MPC1: variants seen among roughly 807,000 people sequenced by gnomAD.
MPC1 encodes the protein HSPC040 protein.
Under a neutral mutation model 13.9 loss-of-function variants are expected in MPC1, and 6 were observed. That is an observed-to-expected ratio of 0.43 (90% CI 0.24 to 0.85). MPC1 has a LOEUF of 0.85. Among genes scored for constraint, MPC1 ranks in the 40% least tolerant of loss-of-function variants. MPC1 has a pLI of 0.24. For synonymous variants in MPC1, 47 were observed against 50.5 expected (o/e 0.93, Z 0.29); for missense variants, 115 against 143.3 (o/e 0.80, Z 1.01).
At chr6:166,368,799 A>T (rs1307256438) in intron 2 of MPC1, 7 of 984,862 alleles carry the variant, frequency 7.1e-6, no homozygotes, top group Non-Finnish European at 8.4e-6. Context: ...TTCCATAGTG[A>T]TCTTCCTTTT....
chr6:166,375,954 G>A (rs925873797), intron 1 of MPC1, among the ~76,000 whole-genome samples: 3 of 152,018 alleles, frequency 2.0e-5, no homozygotes, highest in Admixed American at 6.6e-5. Context: ...TCTACCTGCC[G>A]GGTCTATTTA....
chr6:166,373,991 G>C (rs2114963627), intron 1 of MPC1, among the ~76,000 whole-genome samples: 1 of 151,948 alleles, frequency 6.6e-6, no homozygotes, highest in African/African-American at 2.4e-5. Flanking sequence ...GGTTTTGTTG[G>C]CTTGTTTTTT....
rs751172968 is a variant in MPC1, at chr6:166,366,853, A to T, written c.114T>A (p.Ile38=). ...WGPVANWGLP[I]AAINDMKKSP... is the part of the protein sequence containing the mutation. Reference sequence around the variant, plus strand: ...ACTTTTTCATATCATTGATGGCAGCAATGGGAAGACCCCAGTTGGCTACTG... The same window carrying T: ...ACTTTTTCATATCATTGATGGCAGCTATGGGAAGACCCCAGTTGGCTACTG... The change falls in exon 3 of 5, where the codon ATT becomes ATA. Residue 38 remains isoleucine (I), a synonymous_variant. Transcript: ENST00000360961. 1.2e-6 allele frequency: 2 copies of T among 1,614,180 alleles called. No homozygotes were observed. The highest frequency in any genetic ancestry group is 2.2e-5 in the East Asian group (1 of 44,882).
chr6:166,373,164 A>T (rs182067853), intron 1 of MPC1, among the ~76,000 whole-genome samples: 1 of 152,146 alleles, frequency 6.6e-6, no homozygotes, highest in Non-Finnish European at 1.5e-5. Context: ...ATTGTTACCC[A>T]AAGTCCATAT....
intron 2 of MPC1, chr6:166,369,045 G>C: frequency 1.7e-6 from 1 of 588,896 alleles, no homozygotes. Flanking sequence ...AGCAGAAATG[G>C]ACAATGGAAT....
intron 2 of MPC1, 34 bp from the exon 3 acceptor site, chr6:166,366,925 GA>G: frequency 6.2e-7 from 1 of 1,613,388 alleles, no homozygotes; most frequent in Middle Eastern, 1.6e-4. Context: ...ATGAAGAGAG[GA>G]AAAAGTTAAG....
rs372272655 is a variant in MPC1, at chr6:166,380,982, G to A, written c.71+1824C>T. ...AAAAAAAAGAAAAGAAAACGGTTAAGTAATTATCAGCATAATTTTTATATA... is the reference window on the plus strand; with the variant it reads ...AAAAAAAAGAAAAGAAAACGGTTAAATAATTATCAGCATAATTTTTATATA... On this transcript the variant is annotated intron_variant, in intron 1 of 4. Coordinates refer to ENST00000360961, the MANE Select transcript of MPC1 (RefSeq NM_016098.4). Among the ~76,000 whole-genome samples, 79 of 142,224 alleles carry A rather than the reference G, an allele frequency of 5.6e-4. 1 individual carries two copies. The highest frequency in any genetic ancestry group is 3.7e-3 in the Middle Eastern group (1 of 272). The allele number at this position is 142,224 out of a possible 152,430, so 93.3% of individuals were successfully genotyped here.
Position 166,366,787 on chromosome 6 carries a change from A to T in MPC1, c.172+8T>A. 6.2e-7 allele frequency: 1 copy of T among 1,613,468 alleles called. No individual in the cohort carries two copies. The highest frequency in any genetic ancestry group is 8.5e-7 in the Non-Finnish European group (1 of 1,179,406). The stretch of plus-strand genomic sequence containing the variant: ...AGTCCTCCCAATTATCCAAATCTGC[A>T]TTCTTACCAAATGTCATCCGCCCAC... On this transcript the variant is annotated splice_region_variant and intron_variant, in intron 3 of 4. Coordinates refer to ENST00000360961, the MANE Select transcript of MPC1 (RefSeq NM_016098.4).
rs1779130497 is a variant in MPC1, at chr6:166,365,882, C to G, written c.305+92G>C. On this transcript the variant is annotated intron_variant, in intron 4 of 4. Transcript: ENST00000360961. This position sits in a 1 kb window ranked among gnomAD's most constrained non-coding sequence, Gnocchi z 4.2. ...AAAGCGCATCTATACACACTCCAGT[C>G]CCGCAGCACTCCCTCAGAAAAGATT... 9.8e-6 allele frequency: 15 copies of G among 1,523,952 alleles called. No individual in the cohort carries two copies. The highest frequency in any genetic ancestry group is 1.3e-5 in the Non-Finnish European group (15 of 1,124,518). The allele number at this position is 1,523,952 out of a possible 1,614,324, so 94.4% of individuals were successfully genotyped here. A position where few individuals can be genotyped will look rare whatever the true frequency, so the allele number is the denominator to read the frequency against.
chr6:166,375,644 TTTC>T (rs978208245), intron 1 of MPC1, among the ~76,000 whole-genome samples: 5 of 152,198 alleles, frequency 3.3e-5, no homozygotes, highest in African/African-American at 4.8e-5. Flanking sequence ...TATCTTGAGA[TTTC>T]TTCTTTGACC....
intron 2 of MPC1, among the ~76,000 whole-genome samples, chr6:166,368,259 TTGAAAA>T (rs1453483394): frequency 1.3e-5 from 2 of 152,204 alleles, no homozygotes; most frequent in African/African-American, 2.4e-5. Flanking sequence ...AAATATTTCT[TTGAAAA>T]TGACAAGTTG....
At chr6:166,377,319 A>C (rs1288457314) in intron 1 of MPC1, among the ~76,000 whole-genome samples, 3 of 152,048 alleles carry the variant, frequency 2.0e-5, no homozygotes, top group Non-Finnish European at 4.4e-5. Flanking sequence ...GAGCTGCTGA[A>C]GGCCCAGGGG....
Position 166,366,074 on chromosome 6 carries a change from A to C in MPC1, c.205T>G (p.Phe69Val). 6.2e-7 allele frequency: 1 copy of C among 1,614,032 alleles called. No individual in the cohort carries two copies. The highest frequency in any genetic ancestry group is 8.5e-7 in the Non-Finnish European group (1 of 1,179,936). Residue 69 changes from phenylalanine to valine, a missense_variant, in exon 4 of 5, where the codon TTT (phenylalanine) becomes GTT (valine). Transcript: ENST00000360961. ...LCCYSLTFMR[F>V]AYKVQPRNWL... ...TTCCGAGGCTGTACCTTGTAGGCAA[A>C]TCTCATGAATGTCAAAGAATAGCAA... is the stretch of plus-strand genomic sequence containing the variant.
intron 1 of MPC1, among the ~76,000 whole-genome samples, chr6:166,375,602 C>T (rs1779540551): frequency 6.6e-6 from 1 of 152,104 alleles, no homozygotes; most frequent in African/African-American, 2.4e-5. Flanking sequence ...GTTGTGTTTG[C>T]ACTTTTATTT....
At chr6:166,377,808 G>A (rs1779624444) in intron 1 of MPC1, among the ~76,000 whole-genome samples, 10 of 152,170 alleles carry the variant, frequency 6.6e-5, no homozygotes, top group Admixed American at 6.5e-4. Flanking sequence ...CAGATATTAA[G>A]AGATTCTTAT....
intron 1 of MPC1, among the ~76,000 whole-genome samples, chr6:166,380,800 G>A (rs534639487): frequency 1.3e-5 from 2 of 151,788 alleles, no homozygotes; most frequent in East Asian, 1.9e-4. Context: ...TTAGCCTGGC[G>A]TGGTGGTGCA....
At chr6:166,367,043 T>A in intron 2 of MPC1, 152 bp from the exon 3 acceptor site, 1 of 1,506,774 alleles carries the variant, frequency 6.6e-7, no homozygotes, top group Non-Finnish European at 8.9e-7. Flanking sequence ...TAATTGATGG[T>A]TAACATTTAG....
chr6:166,382,897 C>T lies in MPC1; in HGVS notation c.-21G>A. On this transcript the variant is annotated 5_prime_UTR_variant, in exon 1 of 5. Transcript: ENST00000360961. ...GCCATGGCTGTGCCGACACCAGACC[C>T]CGAGTGGTCCCTGCCTCTGCTGCCG... 1.3e-6 allele frequency: 2 copies of T among 1,587,972 alleles called. No individual in the cohort carries two copies. Among genetic ancestry groups the T allele is most frequent in the East Asian group, 2.4e-5 (1 of 42,008 alleles).
chr6:166,374,851 G>GT (rs766156051), intron 1 of MPC1, among the ~76,000 whole-genome samples: 8 of 152,130 alleles, frequency 5.3e-5, no homozygotes, highest in South Asian at 2.1e-4. Context: ...TGGCTCTATA[G>GT]TAAGTTTGAA....
Sources: gnomAD v4.1 joint callset for allele counts (sites outside exome capture counted in the v4.1 genomes callset) on GRCh38, gnomAD v4.1.1 for gene constraint, Gnocchi (gnomAD v3.1) non-coding constraint, MANE v1.5 for transcripts, NCBI Gene and HGNC (gene_info 2026-07-23, HGNC 2026-07-21) for gene names.